The following PMFBP1 variants were observed in gnomAD, a reference collection of about 807,000 sequenced individuals.
PMFBP1 encodes polyamine modulated factor 1 binding protein 1, also known as polyamine-modulated factor 1-binding protein 1.
Under a neutral mutation model 137.8 loss-of-function variants are expected in PMFBP1, and 131 were observed. The ratio of observed to expected loss-of-function variants is 0.95; its 90% CI spans 0.82 to 1.10. PMFBP1 has a LOEUF of 1.10. Among genes scored for constraint, PMFBP1 ranks in the 50% least tolerant of loss-of-function variants. The pLI, the probability that PMFBP1 is intolerant of heterozygous loss-of-function variation, is 0.00. For missense variants in PMFBP1, 1,199 were observed against 1,175.4 expected (o/e 1.02, Z -0.29); for synonymous variants, 490 against 450.4 (o/e 1.09, Z -1.11).
At chr16:72,240,482 T>C in the PMFBP1 span, among the ~76,000 whole-genome samples, 6 of 152,262 alleles carry the variant, frequency 3.9e-5, no homozygotes, top group East Asian at 1.9e-4. Context: ...TTTGTTAAGA[T>C]AGATGTTCGT....
At chr16:72,201,147 C>A in the PMFBP1 span, among the ~76,000 whole-genome samples, 1 of 152,190 alleles carries the variant, frequency 6.6e-6, no homozygotes, top group African/African-American at 2.4e-5. Flanking sequence ...TTTCCCAGCT[C>A]TTCCCCCCTC....
the PMFBP1 span, among the ~76,000 whole-genome samples, chr16:72,209,868 GTTTTCCCT>G: frequency 6.6e-6 from 1 of 152,170 alleles, no homozygotes; most frequent in South Asian, 2.1e-4. Flanking sequence ...AGCAGGGCAT[GTTTTCCCT>G]GTTCTTACCC....
intron 3 of PMFBP1, chr16:72,164,537 T>C: frequency 2.2e-6 from 3 of 1,361,684 alleles, no homozygotes; most frequent in East Asian, 2.6e-5. Flanking sequence ...GTGCCTAGGA[T>C]GTACATGACC....
chr16:72,232,314 T>C, the PMFBP1 span, among the ~76,000 whole-genome samples: 1 of 152,226 alleles, frequency 6.6e-6, no homozygotes, highest in Admixed American at 6.5e-5. Flanking sequence ...ACAAGCTATA[T>C]GCAGGCTTCT....
At chr16:72,247,875 A>G in the PMFBP1 span, among the ~76,000 whole-genome samples, 2 of 152,180 alleles carry the variant, frequency 1.3e-5, no homozygotes, top group Non-Finnish European at 2.9e-5. Flanking sequence ...GGGAACACAC[A>G]AGGAGGACAC....
intron 14 of PMFBP1, 130 bp from the exon 15 acceptor site, chr16:72,126,262 A>G: frequency 2.0e-6 from 2 of 984,256 alleles, no homozygotes; most frequent in South Asian, 3.2e-5. Context: ...CCGTGTTAAC[A>G]CTCACATCTT....
chr16:72,140,528 T>G lies in PMFBP1; in HGVS notation c.691A>C (p.Met231Leu), dbSNP rs201102428. The G allele has an allele frequency of 6.2e-7, 1 of 1,613,494 alleles. No homozygotes were observed. The highest frequency in any genetic ancestry group is 8.5e-7 in the Non-Finnish European group (1 of 1,179,400). The part of the protein sequence containing the change: ...SKVRIYTSPC[M>L]IQEHQETQKR... ...TGAGTCTCCTGATGCTCTTGAATCATGCAAGGAGAAGTGTATATCCGTACC... is the reference window on the plus strand; with the variant it reads ...TGAGTCTCCTGATGCTCTTGAATCAGGCAAGGAGAAGTGTATATCCGTACC... Residue 231 changes from methionine to leucine, a missense_variant, in exon 6 of 21, where the codon ATG becomes CTG. By Grantham distance (15) the Met-to-Leu change is conservative. Coordinates refer to ENST00000237353, the MANE Select transcript of PMFBP1 (RefSeq NM_031293.3).
chr16:72,210,960 A>T, the PMFBP1 span, among the ~76,000 whole-genome samples: 5 of 152,234 alleles, frequency 3.3e-5, no homozygotes, highest in Non-Finnish European at 5.9e-5. Flanking sequence ...GGCTAGAAAT[A>T]GTCCCCTGCC....
chr16:72,129,319 G>C, intron 12 of PMFBP1, 86 bp from the exon 13 acceptor site: 2 of 1,428,962 alleles, frequency 1.4e-6, no homozygotes, highest in Non-Finnish European at 1.9e-6. Flanking sequence ...CACAGGGCAT[G>C]GCTGAGATGA....
the PMFBP1 span, among the ~76,000 whole-genome samples, chr16:72,183,655 G>T: frequency 6.6e-6 from 1 of 151,996 alleles, no homozygotes; most frequent in African/African-American, 2.4e-5. Context: ...GGTTCAGGGG[G>T]TCAGGACTTT....
the PMFBP1 span, among the ~76,000 whole-genome samples, chr16:72,185,511 T>C: frequency 6.6e-6 from 1 of 152,046 alleles, no homozygotes; most frequent in Non-Finnish European, 1.5e-5. Context: ...TCAGGGTAAA[T>C]ATCATTTCCT....
the PMFBP1 span, among the ~76,000 whole-genome samples, chr16:72,238,869 G>T: frequency 6.6e-6 from 1 of 152,064 alleles, no homozygotes; most frequent in East Asian, 1.9e-4. Flanking sequence ...GGTGGGGTGG[G>T]CGTTACTGAC....
chr16:72,230,706 C>G, the PMFBP1 span, among the ~76,000 whole-genome samples: 2 of 152,274 alleles, frequency 1.3e-5, no homozygotes, highest in African/African-American at 4.8e-5. Flanking sequence ...TCACCAAATC[C>G]TGATGTTCTA....
At chr16:72,154,585 T>A in intron 3 of PMFBP1, 126 bp from the exon 4 acceptor site, 2 of 1,100,560 alleles carry the variant, frequency 1.8e-6, no homozygotes, top group Non-Finnish European at 2.6e-6. Context: ...TCTTTTCATC[T>A]ACAGAGATCT....
intron 6 of PMFBP1, 95 bp from the exon 7 acceptor site, chr16:72,139,494 G>C: frequency 3.0e-6 from 3 of 985,142 alleles, no homozygotes; most frequent in Non-Finnish European, 4.7e-6. Context: ...TGCAGCATAA[G>C]TTTGTTGCAG....
the PMFBP1 span, among the ~76,000 whole-genome samples, chr16:72,220,921 A>T: frequency 6.6e-6 from 1 of 152,194 alleles, no homozygotes; most frequent in Admixed American, 6.5e-5. Flanking sequence ...CCCCCTGGAC[A>T]TCTTCACTAG....
chr16:72,140,331 G>T (rs1044315768), intron 6 of PMFBP1, 81 bp downstream of exon 6: 2 of 1,371,412 alleles, frequency 1.5e-6, no homozygotes, highest in African/African-American at 1.5e-5. Context: ...GATTAATTTA[G>T]GTGACTCTTT....
the PMFBP1 span, among the ~76,000 whole-genome samples, chr16:72,186,604 C>G: frequency 6.6e-6 from 1 of 152,092 alleles, no homozygotes. Context: ...TTAGCCTGAC[C>G]TCTGTGTGTG....
At chr16:72,125,028 T>C in intron 16 of PMFBP1, 94 bp from the exon 17 acceptor site, 10 of 1,479,472 alleles carry the variant, frequency 6.8e-6, no homozygotes, top group Non-Finnish European at 9.2e-6. Flanking sequence ...GGCCTTGGGA[T>C]ACGTGTTGGG....
Sources: allele counts gnomAD v4.1 joint callset (sites outside exome capture counted in the v4.1 genomes callset), GRCh38; gene constraint gnomAD v4.1.1; transcripts MANE v1.5; gene names NCBI Gene and HGNC (gene_info 2026-07-23, HGNC 2026-07-21).